GRIA3: variants seen among roughly 807,000 people sequenced by gnomAD.
GRIA3 encodes the protein glutamate receptor 3.
A neutral mutation model predicts 63.0 loss-of-function variants in GRIA3; 3 were observed. That is an observed-to-expected ratio of 0.05 (90% CI 0.02 to 0.12). The LOEUF (loss-of-function observed/expected upper bound fraction) is 0.12, where lower values mean the gene tolerates loss of function less well. Among genes scored for constraint, GRIA3 ranks in the 10% least tolerant of loss-of-function variants. GRIA3 has a pLI of 1.00. For synonymous variants in GRIA3, 274 were observed against 257.9 expected (o/e 1.06, Z -0.60); for missense variants, 347 against 700.9 (o/e 0.50, Z 5.70).
intron 4 of GRIA3, among the ~76,000 whole-genome samples, chrX:123,334,997 AAG>A (rs2044965352): frequency 9.1e-6 from 1 of 109,646 alleles, no homozygotes; most frequent in African/African-American, 3.3e-5. Context: ...TTCCCTGCTG[AAG>A]AAGCTTGCAA....
chrX:123,225,746 A>C (rs762976038), intron 2 of GRIA3, among the ~76,000 whole-genome samples: 16 of 111,879 alleles, frequency 1.4e-4, no homozygotes, highest in Non-Finnish European at 3.0e-4. Context: ...AATTGAGCCC[A>C]GCATGCTTGA....
intron 5 of GRIA3, among the ~76,000 whole-genome samples, chrX:123,361,685 T>C (rs761606575): frequency 2.7e-5 from 3 of 111,381 alleles, no homozygotes; most frequent in African/African-American, 9.8e-5. Flanking sequence ...AGTCAACCAC[T>C]GCACTGTGTC....
At chrX:123,248,982 T>C (rs1342194129) in intron 2 of GRIA3, among the ~76,000 whole-genome samples, 1 of 111,731 alleles carries the variant, frequency 9.0e-6, no homozygotes, top group Non-Finnish European at 1.9e-5. Context: ...AAACCCCTGG[T>C]AGAGCCATCT....
intron 12 of GRIA3, among the ~76,000 whole-genome samples, chrX:123,459,136 A>T (rs2045779217): frequency 8.9e-6 from 1 of 111,930 alleles, no homozygotes; most frequent in Admixed American, 9.5e-5. Flanking sequence ...ACACTTAAAA[A>T]ATCATCCCAT....
At chrX:123,334,458 GA>G (rs199638215) in intron 4 of GRIA3, among the ~76,000 whole-genome samples, 8 of 105,047 alleles carry the variant, frequency 7.6e-5, no homozygotes, top group Middle Eastern at 4.8e-3. Context: ...AAAATAAAGA[GA>G]AAAAAAAAAC....
chrX:123,281,337 T>C (rs1023906672), intron 3 of GRIA3, among the ~76,000 whole-genome samples: 5 of 111,957 alleles, frequency 4.5e-5, no homozygotes, highest in African/African-American at 1.6e-4. Context: ...TATGGCATCA[T>C]TGTCTGTGGA....
chrX:123,320,080 G>A (rs2044858083), intron 3 of GRIA3, among the ~76,000 whole-genome samples: 1 of 111,602 alleles, frequency 9.0e-6, no homozygotes, highest in Non-Finnish European at 1.9e-5. Context: ...TGAAGACACA[G>A]AAAAGGAAAG....
At chrX:123,227,452 G>A (rs1415524186) in intron 2 of GRIA3, among the ~76,000 whole-genome samples, 1 of 112,095 alleles carries the variant, frequency 8.9e-6, no homozygotes, top group Non-Finnish European at 1.9e-5. Flanking sequence ...CCTAGCTGAT[G>A]AGTGGACTTC....
chrX:123,361,766 G>C (rs760271870), intron 5 of GRIA3, among the ~76,000 whole-genome samples: 6 of 111,148 alleles, frequency 5.4e-5, no homozygotes, highest in Non-Finnish European at 1.1e-4. Context: ...ATAGCAAGAT[G>C]AATTAAAAGC....
chrX:123,309,147 G>T (rs1254229354), intron 3 of GRIA3, among the ~76,000 whole-genome samples: 2 of 111,570 alleles, frequency 1.8e-5, no homozygotes, highest in Non-Finnish European at 1.9e-5. Context: ...CATTTTGGGA[G>T]GCTGAGGCAG....
chrX:123,385,835 T>A lies in GRIA3; in HGVS notation c.751-9133T>A, dbSNP rs1456209307. ...TTTTCTTTATCCACTTGTTCATTGATGAACACACTTAGGTTGATTCCATAT... is the reference window on the plus strand; with the variant it reads ...TTTTCTTTATCCACTTGTTCATTGAAGAACACACTTAGGTTGATTCCATAT... On this transcript the variant is annotated intron_variant, in intron 5 of 15. Coordinates refer to ENST00000620443, the MANE Select transcript of GRIA3 (RefSeq NM_007325.5). 6.2e-5 allele frequency among the ~76,000 whole-genome samples: 7 copies of A among 112,198 alleles called. No homozygotes were observed. The Admixed American group carries it at 6.6e-4, about 11-fold the overall frequency.
chrX:123,437,396 G>A (rs1402338315), intron 12 of GRIA3, among the ~76,000 whole-genome samples: 1 of 110,793 alleles, frequency 9.0e-6, no homozygotes, highest in Non-Finnish European at 1.9e-5. Context: ...TAAACTGGGA[G>A]CTTGGGTTGG....
chrX:123,394,903 T>C (rs2045405137), intron 5 of GRIA3, 65 bp from the exon 6 acceptor site: 1 of 814,116 alleles, frequency 1.2e-6, no homozygotes, highest in Non-Finnish European at 1.9e-6. Context: ...CTTAGCACTC[T>C]AACAGATATG....
At chrX:123,426,540 A>G (rs1008681829) in intron 11 of GRIA3, among the ~76,000 whole-genome samples, 1 of 111,669 alleles carries the variant, frequency 9.0e-6, no homozygotes, top group African/African-American at 3.3e-5. Flanking sequence ...TTTTGACTGA[A>G]GCTCCCTAGA....
intron 3 of GRIA3, among the ~76,000 whole-genome samples, chrX:123,283,059 G>C (rs1265956583): frequency 3.6e-5 from 4 of 111,941 alleles, no homozygotes; most frequent in Non-Finnish European, 7.5e-5. Context: ...TTACTTCATG[G>C]GGACTGGTTA....
chrX:123,477,732 T>C (rs777466070), intron 13 of GRIA3, among the ~76,000 whole-genome samples: 19 of 112,139 alleles, frequency 1.7e-4, no homozygotes, highest in Non-Finnish European at 3.0e-4. Context: ...GGTTGATAAA[T>C]TTCTTTTGAA....
At chrX:123,260,195 C>T (rs929442579) in intron 3 of GRIA3, among the ~76,000 whole-genome samples, 1 of 105,955 alleles carries the variant, frequency 9.4e-6, no homozygotes, top group Non-Finnish European at 1.9e-5. Flanking sequence ...CTCATCTATT[C>T]TTCTCTGGGT....
intron 5 of GRIA3, among the ~76,000 whole-genome samples, chrX:123,394,215 G>C (rs1402924149): frequency 9.0e-6 from 1 of 110,927 alleles, no homozygotes; most frequent in Non-Finnish European, 1.9e-5. Flanking sequence ...TACAAAACTT[G>C]GGAGGGCATG....
intron 3 of GRIA3, among the ~76,000 whole-genome samples, chrX:123,293,195 G>C (rs928167382): frequency 1.9e-4 from 21 of 110,348 alleles, no homozygotes; most frequent in Non-Finnish European, 3.8e-4. Flanking sequence ...GTAGGAGAGC[G>C]GCAGGGCTCT....
Sources: gnomAD v4.1 joint callset for allele counts (sites outside exome capture counted in the v4.1 genomes callset) on GRCh38, gnomAD v4.1.1 for gene constraint, MANE v1.5 for transcripts, NCBI Gene and HGNC (gene_info 2026-07-23, HGNC 2026-07-21) for gene names.